The following FHIT variants were observed in gnomAD, a reference collection of about 807,000 sequenced individuals.
FHIT encodes the protein bis(5'-adenosyl)-triphosphatase.
FHIT carries 19 observed loss-of-function variants against 17.9 expected under a neutral mutation model. That is an observed-to-expected ratio of 1.06 (90% confidence interval 0.74 to 1.56). FHIT has a LOEUF of 1.56. Among genes scored for constraint, FHIT ranks in the 40% most tolerant of loss-of-function variants. The probability of loss-of-function intolerance (pLI) is 0.00; values close to 1 mark genes in which losing one functional copy is unlikely to be tolerated. For missense variants in FHIT, 248 were observed against 189.2 expected, an observed-to-expected ratio of 1.31 and a Z score of -1.82; for synonymous variants, 81 against 69.7, an observed-to-expected ratio of 1.16 and a Z score of -0.81.
At chr3:60,111,777 C>T (rs1704681502) in intron 5 of FHIT, among the ~76,000 whole-genome samples, 1 of 152,306 alleles carries the variant, frequency 6.6e-6, no homozygotes, top group African/African-American at 2.4e-5. Context: ...TGTCCTACCT[C>T]AGCTTTGTAT....
chr3:60,739,012 A>C (rs2042190369), intron 4 of FHIT, among the ~76,000 whole-genome samples: 1 of 152,128 alleles, frequency 6.6e-6, no homozygotes, highest in Non-Finnish European at 1.5e-5. Flanking sequence ...GAGAGAGGAG[A>C]AGGAATGTCT....
At chr3:61,024,084 T>C (rs1415903320) in intron 3 of FHIT, among the ~76,000 whole-genome samples, 2 of 152,074 alleles carry the variant, frequency 1.3e-5, no homozygotes, top group Non-Finnish European at 2.9e-5. Context: ...ATAGTATATT[T>C]TACAAAATGT....
At chr3:60,276,436 G>A (rs1050354085) in intron 5 of FHIT, among the ~76,000 whole-genome samples, 1 of 152,136 alleles carries the variant, frequency 6.6e-6, no homozygotes, top group Non-Finnish European at 1.5e-5. Flanking sequence ...GGCTGAAGGT[G>A]CAAAAGATAT....
intron 3 of FHIT, among the ~76,000 whole-genome samples, chr3:61,006,532 C>T (rs1198420925): frequency 3.3e-5 from 5 of 151,178 alleles, no homozygotes; most frequent in Non-Finnish European, 7.4e-5. Flanking sequence ...TATAAAATTT[C>T]CTTTCTGAAA....
chr3:60,924,494 A>G (rs570793344), intron 3 of FHIT, among the ~76,000 whole-genome samples: 1 of 152,198 alleles, frequency 6.6e-6, no homozygotes, highest in Non-Finnish European at 1.5e-5. Context: ...TGCAGCTGAG[A>G]GTCCTGACTG....
chr3:60,148,095 A>G (rs1700315255), intron 5 of FHIT, among the ~76,000 whole-genome samples: 1 of 152,228 alleles, frequency 6.6e-6, no homozygotes, highest in African/African-American at 2.4e-5. Context: ...GAGGGTCCCA[A>G]AATACTAATA....
At chr3:60,639,553 C>G (rs10510853) in intron 4 of FHIT, among the ~76,000 whole-genome samples, 3,420 of 152,158 alleles carry the variant, frequency 0.022, 71 homozygotes, top group South Asian at 0.044. Context: ...ATTGTTAGGA[C>G]AAACTAGAAA....
intron 5 of FHIT, among the ~76,000 whole-genome samples, chr3:60,015,991 T>G (rs974793501): frequency 6.6e-6 from 1 of 152,234 alleles, no homozygotes; most frequent in Non-Finnish European, 1.5e-5. Flanking sequence ...ACTTTTTATA[T>G]GCCAATTGTT....
intron 5 of FHIT, among the ~76,000 whole-genome samples, chr3:60,166,260 G>T (rs534378691): frequency 4.6e-5 from 7 of 152,158 alleles, no homozygotes; most frequent in East Asian, 1.9e-4. Context: ...AACAGGAAAT[G>T]TATTTTTGAG....
chr3:60,207,158 G>T (rs1421185711), intron 5 of FHIT, among the ~76,000 whole-genome samples: 2 of 147,172 alleles, frequency 1.4e-5, no homozygotes, highest in African/African-American at 4.9e-5. Context: ...AGTAGGGAGT[G>T]TGTCAGTGTG....
At chr3:60,163,273 T>C (rs1284151013) in intron 5 of FHIT, among the ~76,000 whole-genome samples, 2 of 152,070 alleles carry the variant, frequency 1.3e-5, no homozygotes, top group Non-Finnish European at 2.9e-5. Context: ...AGTGCTCTTT[T>C]CTGTTACAAT....
chr3:60,275,835 G>T (rs1247747406), intron 5 of FHIT, among the ~76,000 whole-genome samples: 1 of 152,078 alleles, frequency 6.6e-6, no homozygotes, highest in Admixed American at 6.5e-5. Context: ...ACACAATAAT[G>T]CCTTGCAATC....
At chr3:59,929,818 CA>C (rs1705875387) in intron 7 of FHIT, among the ~76,000 whole-genome samples, 1 of 150,606 alleles carries the variant, frequency 6.6e-6, no homozygotes, top group Admixed American at 6.6e-5. Flanking sequence ...CAAGCAATAA[CA>C]ATCCTTTTCT....
chr3:60,881,560 G>T (rs139802102), intron 3 of FHIT, among the ~76,000 whole-genome samples: 1 of 152,052 alleles, frequency 6.6e-6, no homozygotes. Context: ...AAATTTAAAA[G>T]AAGTGAAATC....
At chr3:60,057,642 A>G (rs1008715646) in intron 5 of FHIT, among the ~76,000 whole-genome samples, 2 of 151,608 alleles carry the variant, frequency 1.3e-5, no homozygotes, top group African/African-American at 2.4e-5. Flanking sequence ...CTTGAAGTTT[A>G]TATTTGTTTT....
intron 8 of FHIT, among the ~76,000 whole-genome samples, chr3:59,826,762 T>C (rs1050013125): frequency 2.4e-4 from 36 of 152,266 alleles, no homozygotes; most frequent in East Asian, 3.8e-4. Flanking sequence ...TTATCATCAA[T>C]GTAACAATTA....
chr3:60,158,073 T>C (rs550251183), intron 5 of FHIT, among the ~76,000 whole-genome samples: 1 of 152,248 alleles, frequency 6.6e-6, no homozygotes, highest in South Asian at 2.1e-4. Flanking sequence ...CATCTTTGAA[T>C]CTTTGGCAAG....
chr3:59,873,356 T>C (rs111341283), intron 8 of FHIT, among the ~76,000 whole-genome samples: 3 of 152,296 alleles, frequency 2.0e-5, no homozygotes, highest in African/African-American at 7.2e-5. Context: ...TGCCTGACAT[T>C]GTGCTGGGTA....
At chr3:59,898,418 G>A (rs542766692) in intron 8 of FHIT, among the ~76,000 whole-genome samples, 2 of 150,916 alleles carry the variant, frequency 1.3e-5, no homozygotes, top group African/African-American at 4.9e-5. Flanking sequence ...CACCATATTT[G>A]TATATATGTG....
Sources: allele counts gnomAD v4.1 joint callset (sites outside exome capture counted in the v4.1 genomes callset), GRCh38; gene constraint gnomAD v4.1.1; transcripts MANE v1.5; gene names NCBI Gene and HGNC (gene_info 2026-07-23, HGNC 2026-07-21).